ABI1: variants seen among roughly 807,000 people sequenced by gnomAD.
ABI1 encodes the protein Abelson interactor 1.
In ABI1, 14 loss-of-function variants were observed where a neutral mutation model predicts 54.6. That is an observed-to-expected ratio of 0.26 (90% confidence interval 0.17 to 0.40). The LOEUF (loss-of-function observed/expected upper bound fraction) is 0.40. Among genes scored for constraint, ABI1 ranks in the 10% least tolerant of loss-of-function variants. The pLI, the probability that ABI1 is intolerant of heterozygous loss-of-function variation, is 1.00. For missense variants in ABI1, 443 were observed against 598.3 expected (o/e 0.74, Z 2.71); for synonymous variants, 194 against 209.3 (o/e 0.93, Z 0.63).
chr10:26,769,976 T>C (rs1278202816), intron 5 of ABI1, among the ~76,000 whole-genome samples: 1 of 152,248 alleles, frequency 6.6e-6, no homozygotes, highest in Non-Finnish European at 1.5e-5. Context: ...GTCAGATTTA[T>C]ATTTTTTAAA....
At chr10:26,750,350 T>G (rs1042025195) in intron 10 of ABI1, among the ~76,000 whole-genome samples, 3 of 151,986 alleles carry the variant, frequency 2.0e-5, no homozygotes, top group Admixed American at 6.6e-5. Context: ...AAAAGTTAGC[T>G]GGGCGTGGTG....
At chr10:26,842,757 C>A (rs746835300) in intron 1 of ABI1, among the ~76,000 whole-genome samples, 4 of 152,112 alleles carry the variant, frequency 2.6e-5, no homozygotes, top group Non-Finnish European at 5.9e-5. Context: ...TAAATTAGAG[C>A]CACAAGAGGC....
chr10:26,820,980 C>T, intron 2 of ABI1, among the ~76,000 whole-genome samples: 1 of 144,402 alleles, frequency 6.9e-6, no homozygotes, highest in Non-Finnish European at 1.5e-5. Flanking sequence ...TGGTGGCTCA[C>T]ACCTGCGATC....
chr10:26,774,045 AC>A (rs1300208228), intron 3 of ABI1, among the ~76,000 whole-genome samples: 3 of 152,122 alleles, frequency 2.0e-5, no homozygotes, highest in Non-Finnish European at 4.4e-5. Context: ...TGGTTCCAGG[AC>A]CCCCATGGAT....
intron 2 of ABI1, chr10:26,790,778 G>A (rs956589431): frequency 1.3e-5 from 2 of 152,166 alleles, no homozygotes; most frequent in African/African-American, 2.4e-5. Context: ...ATAATACAGA[G>A]CTAATACTGG....
In ABI1 at chr10:26,771,197, C is replaced by CT. The variant is rs1840648325; in HGVS notation, c.463-109dup. On this transcript the variant is annotated intron_variant, in intron 3 of 10. Transcript: ENST00000376140. ...CAGTTACTCAATTCATGTTAATAAG[C>CT]TTTTTTCCAGCCATGTTTCAACTAC... 1.6e-5 allele frequency: 20 copies of CT among 1,218,166 alleles called. No homozygotes were observed. In the South Asian group the frequency reaches 2.6e-4, roughly 16 times the overall value. 75.5% of individuals were successfully genotyped at this position (1,218,166 alleles called of 1,614,324 possible).
chr10:26,799,501 A>T (rs1397616899), intron 2 of ABI1, among the ~76,000 whole-genome samples: 1 of 152,228 alleles, frequency 6.6e-6, no homozygotes, highest in South Asian at 2.1e-4. Context: ...GAGCACGTGC[A>T]ACTGCACATA....
intron 2 of ABI1, among the ~76,000 whole-genome samples, chr10:26,779,154 G>C (rs1038346107): frequency 6.6e-6 from 1 of 152,158 alleles, no homozygotes; most frequent in African/African-American, 2.4e-5. Flanking sequence ...TGCTGATGGG[G>C]ACAAAACTTT....
chr10:26,843,489 T>A (rs1352726739), intron 1 of ABI1, among the ~76,000 whole-genome samples: 765 of 23,536 alleles, frequency 0.033, 2 homozygotes, highest in Non-Finnish European at 0.048. Context: ...AAAAAAAATA[T>A]ATATATATAT....
At chr10:26,792,185 T>C (rs1843558017) in intron 2 of ABI1, among the ~76,000 whole-genome samples, 1 of 152,240 alleles carries the variant, frequency 6.6e-6, no homozygotes, top group Non-Finnish European at 1.5e-5. Context: ...TTGGTCATTT[T>C]CTAGTTTTTA....
chr10:26,757,207 C>G (rs1001863797), intron 8 of ABI1, among the ~76,000 whole-genome samples: 12 of 151,466 alleles, frequency 7.9e-5, no homozygotes, highest in Non-Finnish European at 1.5e-4. Flanking sequence ...CATTCACGTA[C>G]TACTACTACT....
Position 26,763,945 on chromosome 10 carries a change from G to A in ABI1, c.820+1273C>T, listed in dbSNP as rs1285864481. The A allele has an allele frequency of 9.3e-6, 15 of 1,612,116 alleles. No homozygotes were observed. In the East Asian group the frequency reaches 2.5e-4, roughly 26 times the overall value. On this transcript the variant is annotated intron_variant, in intron 7 of 10. Transcript: ENST00000376140. ...TGCTGGTGGAGCTCCAGAAGGAGGA[G>A]GGACAGAAATGTTTTCTAATAAAAT...
chr10:26,749,967 C>T (rs1034216113), intron 10 of ABI1, among the ~76,000 whole-genome samples: 3 of 152,154 alleles, frequency 2.0e-5, no homozygotes, highest in African/African-American at 7.2e-5. Flanking sequence ...TTTAATCCTC[C>T]TCTACTATCA....
At chr10:26,774,739 G>A (rs1841165093) in intron 3 of ABI1, among the ~76,000 whole-genome samples, 2 of 151,768 alleles carry the variant, frequency 1.3e-5, no homozygotes, top group African/African-American at 4.8e-5. Flanking sequence ...CACAAAATAA[G>A]AAAATGCAAT....
intron 2 of ABI1, among the ~76,000 whole-genome samples, chr10:26,787,801 C>T (rs1257742317): frequency 6.6e-6 from 1 of 151,294 alleles, no homozygotes; most frequent in Non-Finnish European, 1.5e-5. Context: ...CAGAGTAACC[C>T]CAGTTGAGAA....
At chr10:26,854,877 T>C (rs965208470) in intron 1 of ABI1, among the ~76,000 whole-genome samples, 7 of 152,176 alleles carry the variant, frequency 4.6e-5, no homozygotes, top group South Asian at 2.1e-4. Flanking sequence ...AGACTAACAA[T>C]AGAAAAAAGA....
intron 8 of ABI1, 33 bp downstream of exon 8, chr10:26,759,029 C>T (rs893292124): frequency 6.3e-7 from 1 of 1,590,098 alleles, no homozygotes; most frequent in African/African-American, 1.3e-5. Flanking sequence ...AGGAGCTCCA[C>T]TGTTGCTGTA....
chr10:26,796,196 A>C (rs916497250), intron 2 of ABI1, among the ~76,000 whole-genome samples: 1 of 152,192 alleles, frequency 6.6e-6, no homozygotes. Context: ...AAAAGATACA[A>C]AATAGCAGAT....
chr10:26,754,557 CATCGGGTACACAA>C (rs1345896631), intron 9 of ABI1, among the ~76,000 whole-genome samples: 3 of 152,118 alleles, frequency 2.0e-5, no homozygotes, highest in African/African-American at 7.2e-5. Flanking sequence ...TGGCACGTAA[CATCGGGTACACAA>C]ATATTTGACT....
Sources: gnomAD v4.1 joint callset for allele counts (sites outside exome capture counted in the v4.1 genomes callset) on GRCh38, gnomAD v4.1.1 for gene constraint, MANE v1.5 for transcripts, NCBI Gene and HGNC (gene_info 2026-07-23, HGNC 2026-07-21) for gene names.